NUP210: variants seen among roughly 807,000 people sequenced by gnomAD.
NUP210 encodes nuclear pore membrane glycoprotein 210.
In NUP210, 151 loss-of-function variants were observed where a neutral mutation model predicts 196.0. The observed-to-expected ratio is 0.77, with a 90% CI of 0.67 to 0.88. The LOEUF is 0.88. NUP210 is among the 40% of genes least tolerant of loss of function. The pLI, the probability that NUP210 is intolerant of heterozygous loss-of-function variation, is 0.00. For synonymous variants in NUP210, 1,070 were observed against 1,052.7 expected (o/e 1.02, Z -0.32); for missense variants, 2,314 against 2,493.7 (o/e 0.93, Z 1.53).
At chr3:13,389,886 T>C (rs940488791) in intron 4 of NUP210, among the ~76,000 whole-genome samples, 1 of 151,878 alleles carries the variant, frequency 6.6e-6, no homozygotes, top group Non-Finnish European at 1.5e-5. Context: ...GTTCGGACCC[T>C]GGCCGTGAGG....
intron 14 of NUP210, 45 bp downstream of exon 14, chr3:13,365,901 A>C (rs1440636605): frequency 6.2e-7 from 1 of 1,604,730 alleles, no homozygotes; most frequent in Admixed American, 1.7e-5. Flanking sequence ...TGCATCTGGG[A>C]AGGAGTGGGC....
At chr3:13,372,376 C>T (rs1698760783) in intron 12 of NUP210, among the ~76,000 whole-genome samples, 1 of 152,174 alleles carries the variant, frequency 6.6e-6, no homozygotes, top group Non-Finnish European at 1.5e-5. Flanking sequence ...TGTGCAGGGG[C>T]AGTGGAAAGA....
At chr3:13,387,787 C>G (rs886783746) in intron 5 of NUP210, among the ~76,000 whole-genome samples, 1 of 152,150 alleles carries the variant, frequency 6.6e-6, no homozygotes, top group Non-Finnish European at 1.5e-5. Flanking sequence ...CCCCCACTAC[C>G]CTAAGAATGG....
chr3:13,321,918 G>C (rs1696547512), intron 35 of NUP210, 83 bp from the exon 36 acceptor site: 8 of 1,536,298 alleles, frequency 5.2e-6, no homozygotes, highest in Non-Finnish European at 6.1e-6. Context: ...CTCTAACCAG[G>C]GGATTCCTAT....
At chr3:13,341,965 G>A (rs772987510) in intron 22 of NUP210, 31 bp downstream of exon 22, 10 of 1,613,848 alleles carry the variant, frequency 6.2e-6, no homozygotes, top group Non-Finnish European at 7.6e-6. Context: ...TGTCTCTGAG[G>A]TGCCCTCCTC....
chr3:13,363,025 T>TA (rs902959827), intron 14 of NUP210, among the ~76,000 whole-genome samples: 1 of 152,212 alleles, frequency 6.6e-6, no homozygotes, highest in Non-Finnish European at 1.5e-5. Flanking sequence ...TGTGGGACCT[T>TA]AAACAAGTTA....
intron 33 of NUP210, among the ~76,000 whole-genome samples, chr3:13,324,936 C>T (rs1696685163): frequency 6.6e-6 from 1 of 152,334 alleles, no homozygotes; most frequent in South Asian, 2.1e-4. Context: ...CCCCATTATA[C>T]AGGCAAGAAA....
At chr3:13,366,289 C>T (rs1698532632) in intron 13 of NUP210, among the ~76,000 whole-genome samples, 198 bp from the exon 14 acceptor site, 3 of 152,022 alleles carry the variant, frequency 2.0e-5, no homozygotes, top group South Asian at 2.1e-4. Flanking sequence ...CCACTACACC[C>T]GGCTAATTTT....
intron 33 of NUP210, among the ~76,000 whole-genome samples, chr3:13,324,364 C>G (rs1277098684): frequency 6.6e-6 from 1 of 152,196 alleles, no homozygotes; most frequent in Non-Finnish European, 1.5e-5. Flanking sequence ...CTGAGGCCCC[C>G]ACCCTGTCCA....
Position 13,335,611 on chromosome 3 carries a change from G to T in NUP210, c.3686C>A (p.Ala1229Glu). The change falls in exon 28 of 40, where the codon GCG (alanine) becomes GAG (glutamate). Residue 1229 changes from alanine to glutamate, a missense_variant and splice_region_variant. Ala to Glu is a moderately radical substitution (Grantham distance 107, BLOSUM62 -1). Transcript: ENST00000254508. ...GTACTGTGACGGGAGTCGGATCGAC[G>T]CCTGGGAAGACATCAAACACGTTTT... ...VLDLRGRHHE[A>E]SIRLPSQYNF... The T allele has an allele frequency of 6.2e-7, 1 of 1,613,846 alleles. No homozygotes were observed. Among genetic ancestry groups the T allele is most frequent in the Non-Finnish European group, 8.5e-7 (1 of 1,179,908 alleles).
At chr3:13,370,324 G>A (rs1466469850) in intron 13 of NUP210, among the ~76,000 whole-genome samples, 4 of 152,148 alleles carry the variant, frequency 2.6e-5, no homozygotes, top group Admixed American at 6.5e-5. Flanking sequence ...GAAACGCCCT[G>A]CATCGTGCTG....
Position 13,317,538 on chromosome 3 carries a change from G to T in NUP210, c.*143C>A. 1 of 674,576 alleles carries T rather than the reference G, an allele frequency of 1.5e-6. No homozygotes were observed. Among genetic ancestry groups the T allele is most frequent in the Non-Finnish European group, 2.7e-6 (1 of 374,836 alleles). The allele number at this position is 674,576 out of a possible 1,614,324, so 41.8% of individuals were successfully genotyped here. Reference sequence around the variant, plus strand: ...GGCAGAGCCGAAACTACAGCTCTGTGTGAAGAGACGGCAGTGAAGCTGGCC... The same window carrying T: ...GGCAGAGCCGAAACTACAGCTCTGTTTGAAGAGACGGCAGTGAAGCTGGCC... On this transcript the variant is annotated 3_prime_UTR_variant, in exon 40 of 40. Transcript: ENST00000254508.
chr3:13,381,755 C>G (rs930631082), intron 6 of NUP210, among the ~76,000 whole-genome samples: 1 of 152,134 alleles, frequency 6.6e-6, no homozygotes, highest in Non-Finnish European at 1.5e-5. Context: ...AACAGCTGCC[C>G]TTCTATAGGT....
intron 6 of NUP210, among the ~76,000 whole-genome samples, chr3:13,383,514 C>CTCT (rs1165550406): frequency 1.4e-5 from 1 of 70,794 alleles, no homozygotes; most frequent in Admixed American, 1.2e-4. Context: ...TTAGAGTGAG[C>CTCT]TCTTTTTTTT....
intron 3 of NUP210, among the ~76,000 whole-genome samples, chr3:13,396,839 C>A (rs555016791): frequency 8.2e-4 from 125 of 151,808 alleles, no homozygotes; most frequent in South Asian, 2.9e-3. Flanking sequence ...GGAAACAAGC[C>A]CATATTTGAC....
At chr3:13,407,558 A>C (rs898081637) in intron 1 of NUP210, among the ~76,000 whole-genome samples, 2 of 151,922 alleles carry the variant, frequency 1.3e-5, no homozygotes, top group Non-Finnish European at 2.9e-5. Context: ...CTCTTTTCCA[A>C]AGCCCCTGCC....
intron 1 of NUP210, among the ~76,000 whole-genome samples, chr3:13,404,046 C>A (rs936793221): frequency 6.6e-6 from 1 of 152,258 alleles, no homozygotes; most frequent in Admixed American, 6.5e-5. Context: ...CTGGAGGCTG[C>A]AGGCAGCTCA....
rs1559299566 is a variant in NUP210, at chr3:13,316,266, A to C, written c.*1415T>G. 1 of 152,252 alleles carries C rather than the reference A, an allele frequency of 6.6e-6. No homozygotes were observed. The allele number at this position is 152,252 out of a possible 1,614,324, so 9.4% of individuals were successfully genotyped here. A position where few individuals can be genotyped will look rare whatever the true frequency, so the allele number is the denominator to read the frequency against. The stretch of plus-strand genomic sequence containing the variant: ...AATCACATAGAACTTTATTAAATAA[A>C]CCAGTAGAAAGGCTCCTATTTACAT... On this transcript the variant is annotated 3_prime_UTR_variant, in exon 40 of 40. Transcript: ENST00000254508.
Position 13,327,418 on chromosome 3 carries a change from C to T in NUP210, c.4306G>A (p.Gly1436Arg), listed in dbSNP as rs375252151. The change falls in exon 32 of 40, where the codon GGG becomes AGG. Residue 1436 changes from glycine (G) to arginine (R), a missense_variant. Gly to Arg is a moderately radical substitution (Grantham distance 125). Coordinates refer to ENST00000254508, the MANE Select transcript of NUP210 (RefSeq NM_024923.4). ...ATNRDDFVQIGKGPTNNTCVV... is the reference protein window; with the variant it reads ...ATNRDDFVQIRKGPTNNTCVV... ...CAGGTGTTGTTGGTGGGGCCCTTCCCGATCTGCACAAAGTCGTCTCTAGGC... is the reference window on the plus strand; with the variant it reads ...CAGGTGTTGTTGGTGGGGCCCTTCCTGATCTGCACAAAGTCGTCTCTAGGC... 4.9e-5 allele frequency: 79 copies of T among 1,611,810 alleles called. No individual in the cohort carries two copies. The South Asian group carries it at 5.1e-4, about 10-fold the overall frequency.
Sources: gnomAD v4.1 joint callset for allele counts (sites outside exome capture counted in the v4.1 genomes callset) on GRCh38, gnomAD v4.1.1 for gene constraint, MANE v1.5 for transcripts, NCBI Gene and HGNC (gene_info 2026-07-23, HGNC 2026-07-21) for gene names.